Variants in PLCB1 observed in about 807,000 individuals in gnomAD.
PLCB1 encodes the protein phospholipase C beta 1, also known as 1-phosphatidylinositol 4,5-bisphosphate phosphodiesterase beta-1.
In PLCB1, 46 loss-of-function variants were observed where a neutral mutation model predicts 161.8. The observed-to-expected ratio is 0.28, with a 90% CI of 0.22 to 0.36. The LOEUF (loss-of-function observed/expected upper bound fraction) is 0.36, where lower values mean the gene tolerates loss of function less well. PLCB1 is among the 10% of genes least tolerant of loss of function. The pLI, the probability that PLCB1 is intolerant of heterozygous loss-of-function variation, is 1.00. For synonymous variants in PLCB1, 517 were observed against 503.7 expected (o/e 1.03, Z -0.35); for missense variants, 1,016 against 1,472.5 (o/e 0.69, Z 5.07).
Position 8,373,777 on chromosome 20 carries a change from T to C in PLCB1, c.246+2327T>C, listed in dbSNP as rs558965556. 4.6e-5 allele frequency among the ~76,000 whole-genome samples: 7 copies of C among 152,286 alleles called. No individual in the cohort carries two copies. In the South Asian group the frequency reaches 1.5e-3, roughly 32 times the overall value. On this transcript the variant is annotated intron_variant, in intron 3 of 31. Coordinates refer to ENST00000338037, the MANE Select transcript of PLCB1 (RefSeq NM_015192.4). ...TCATTTCACTCACTTAATTTGGAAA[T>C]GTTTATGTCAGCAAAAGGGATCAGA...
chr20:8,712,898 A>T (rs1979096738), intron 12 of PLCB1, among the ~76,000 whole-genome samples: 1 of 152,086 alleles, frequency 6.6e-6, no homozygotes. Flanking sequence ...CTTTGTCCCC[A>T]TGGTAGCTGA....
At chr20:8,225,444 C>G (rs1979631030) in intron 2 of PLCB1, among the ~76,000 whole-genome samples, 1 of 152,126 alleles carries the variant, frequency 6.6e-6, no homozygotes, top group South Asian at 2.1e-4. Context: ...AAACATCTTG[C>G]ATATTTTCCA....
Position 8,765,196 on chromosome 20 carries a change from A to T in PLCB1, c.2768A>T (p.Gln923Leu), listed in dbSNP as rs753306390. 1 of 1,614,138 alleles carries T rather than the reference A, an allele frequency of 6.2e-7. No individual in the cohort carries two copies. The highest frequency in any genetic ancestry group is 2.2e-5 in the East Asian group (1 of 44,872). ...LKQQKSFVKLQKKHYKEMKDL... is the reference protein window; with the variant it reads ...LKQQKSFVKLLKKHYKEMKDL... ...CAACAGAAATCGTTTGTGAAACTTC[A>T]AAAGAAACACTACAAAGAAATGAAA... The change falls in exon 26 of 32, where the codon CAA (glutamine) becomes CTA (leucine). Residue 923 changes from glutamine (Q) to leucine (L), a missense_variant. By Grantham distance (113) the Gln-to-Leu change is moderately radical. Transcript: ENST00000338037.
intron 3 of PLCB1, among the ~76,000 whole-genome samples, chr20:8,440,192 A>G (rs925744385): frequency 4.6e-5 from 7 of 152,174 alleles, no homozygotes; most frequent in Non-Finnish European, 1.5e-5. Flanking sequence ...AACAACTTTT[A>G]CCTTGAAAGC....
chr20:8,801,433 A>G (rs1984274326), intron 31 of PLCB1, among the ~76,000 whole-genome samples: 1 of 151,978 alleles, frequency 6.6e-6, no homozygotes, highest in African/African-American at 2.4e-5. Flanking sequence ...CTTCTTTCCT[A>G]AGTGTGTCCT....
chr20:8,683,098 A>G (rs1256330006), intron 9 of PLCB1, among the ~76,000 whole-genome samples: 3 of 151,998 alleles, frequency 2.0e-5, no homozygotes, highest in African/African-American at 7.2e-5. Context: ...CATAGAATTT[A>G]TTTTTACATT....
At position 8,302,339 on chromosome 20, in the gene PLCB1, C is replaced by T. The variant is rs376675257; in HGVS notation, c.178-69043C>T. On this transcript the variant is annotated intron_variant, in intron 2 of 31. Coordinates refer to ENST00000338037, the MANE Select transcript of PLCB1 (RefSeq NM_015192.4). ...AGGAACACAAGGCAATTTGCTAATTCGGGGATCTACTTCTCTTTCATGATA... is the reference window on the plus strand; with the variant it reads ...AGGAACACAAGGCAATTTGCTAATTTGGGGATCTACTTCTCTTTCATGATA... Among the ~76,000 whole-genome samples, 48 of 152,132 alleles carry T rather than the reference C, an allele frequency of 3.2e-4. 1 individual carries two copies. Among genetic ancestry groups the T allele is most frequent in the Non-Finnish European group, 1.0e-4 (7 of 68,022 alleles).
chr20:8,769,103 G>A (rs1461532626), intron 26 of PLCB1, among the ~76,000 whole-genome samples: 1 of 152,080 alleles, frequency 6.6e-6, no homozygotes, highest in Non-Finnish European at 1.5e-5. Flanking sequence ...TTTAAATTTT[G>A]TTGCTATCTT....
intron 2 of PLCB1, among the ~76,000 whole-genome samples, chr20:8,327,384 T>G (rs1367718504): frequency 6.6e-6 from 1 of 152,230 alleles, no homozygotes; most frequent in Non-Finnish European, 1.5e-5. Context: ...AATTTTTCCC[T>G]TGAAGGACAT....
intron 4 of PLCB1, among the ~76,000 whole-genome samples, chr20:8,637,052 C>T (rs369605555): frequency 2.0e-5 from 3 of 151,404 alleles, no homozygotes; most frequent in Non-Finnish European, 4.4e-5. Flanking sequence ...AAAAAATCAC[C>T]GTGACTTTTT....
chr20:8,364,774 G>A lies in PLCB1; in HGVS notation c.178-6608G>A, dbSNP rs140163779. Among the ~76,000 whole-genome samples, 980 of 152,304 alleles carry A rather than the reference G, an allele frequency of 6.4e-3. 8 individuals are homozygous for A. The highest frequency in any genetic ancestry group is 0.021 in the African/African-American group (879 of 41,550). ...TCAATTGACAGTTACAATACAACCT[G>A]TAACACATGAACGTTTTCATTGCTT... is the stretch of plus-strand genomic sequence containing the variant. On this transcript the variant is annotated intron_variant, in intron 2 of 31. Coordinates refer to ENST00000338037, the MANE Select transcript of PLCB1 (RefSeq NM_015192.4).
chr20:8,267,822 A>G (rs2719783), intron 2 of PLCB1, among the ~76,000 whole-genome samples: 5,809 of 152,088 alleles, frequency 0.038, 363 homozygotes, highest in African/African-American at 0.13. Context: ...GGAGTGGCCC[A>G]TGACCAGTTT....
intron 3 of PLCB1, among the ~76,000 whole-genome samples, chr20:8,490,261 G>A (rs913338922): frequency 2.0e-5 from 3 of 152,178 alleles, no homozygotes; most frequent in Non-Finnish European, 2.9e-5. Flanking sequence ...GAGCCATTGA[G>A]TGATTCTGCC....
At chr20:8,774,447 G>T in intron 26 of PLCB1, 92 bp from the exon 27 acceptor site, 2 of 1,269,224 alleles carry the variant, frequency 1.6e-6, no homozygotes, top group East Asian at 2.3e-5. Flanking sequence ...TCCAAACAGA[G>T]AACTTTCTCT....
intron 3 of PLCB1, among the ~76,000 whole-genome samples, chr20:8,525,307 T>C (rs1475058192): frequency 1.3e-5 from 2 of 152,008 alleles, no homozygotes; most frequent in Non-Finnish European, 2.9e-5. Flanking sequence ...AACCTGACCT[T>C]GGGAGAAAGG....
intron 3 of PLCB1, among the ~76,000 whole-genome samples, chr20:8,556,443 G>C (rs775368725): frequency 6.6e-6 from 1 of 152,044 alleles, no homozygotes; most frequent in South Asian, 2.1e-4. Flanking sequence ...GGAAAAGCTG[G>C]AGAATGAGTT....
intron 9 of PLCB1, among the ~76,000 whole-genome samples, chr20:8,680,578 C>T (rs563412438): frequency 6.6e-6 from 1 of 152,284 alleles, no homozygotes; most frequent in East Asian, 1.9e-4. Flanking sequence ...TTCACAGTTA[C>T]AGTTCCCTGA....
At chr20:8,331,026 A>G (rs1985346971) in intron 2 of PLCB1, among the ~76,000 whole-genome samples, 1 of 152,250 alleles carries the variant, frequency 6.6e-6, no homozygotes, top group East Asian at 1.9e-4. Context: ...GTGGACTAGC[A>G]GAAAATTCAT....
chr20:8,276,172 G>T (rs1025402006), intron 2 of PLCB1, among the ~76,000 whole-genome samples: 2 of 152,106 alleles, frequency 1.3e-5, no homozygotes, highest in Non-Finnish European at 2.9e-5. Flanking sequence ...ATTTGAAGGT[G>T]TTTTCCTTTC....
Sources: gnomAD v4.1 joint callset for allele counts (sites outside exome capture counted in the v4.1 genomes callset) on GRCh38, gnomAD v4.1.1 for gene constraint, MANE v1.5 for transcripts, NCBI Gene and HGNC (gene_info 2026-07-23, HGNC 2026-07-21) for gene names.